TRIM5: variants seen among roughly 807,000 people sequenced by gnomAD.
The protein encoded by TRIM5 is tripartite motif containing 5.
Under a neutral mutation model 35.6 loss-of-function variants are expected in TRIM5, and 31 were observed. That is an observed-to-expected ratio of 0.87 (90% CI 0.65 to 1.18). The LOEUF (loss-of-function observed/expected upper bound fraction) is 1.18, where lower values mean the gene tolerates loss of function less well. Ranked by LOEUF, TRIM5 falls within the 50% of genes most tolerant of loss-of-function variation. The pLI is 0.00. For missense variants in TRIM5, 609 were observed against 591.6 expected, an observed-to-expected ratio of 1.03 and a Z score of -0.31; for synonymous variants, 243 against 215.6, an observed-to-expected ratio of 1.13 and a Z score of -1.11.
At chr11:5,598,123 C>T in the TRIM5 span, among the ~76,000 whole-genome samples, 1 of 152,146 alleles carries the variant, frequency 6.6e-6, no homozygotes, top group Non-Finnish European at 1.5e-5. Context: ...AGGCTCTTCT[C>T]GTCTGCACTC....
chr11:5,615,159 T>C, the TRIM5 span, among the ~76,000 whole-genome samples: 1 of 152,236 alleles, frequency 6.6e-6, no homozygotes, highest in Non-Finnish European at 1.5e-5. Flanking sequence ...GAATCCTTTT[T>C]AATTGTATTG....
the TRIM5 span, chr11:5,645,906 G>T: frequency 0.016 from 2,066 of 128,982 alleles, 42 homozygotes; most frequent in East Asian, 0.076. Flanking sequence ...TCTATATATA[G>T]ATATATATAG....
chr11:5,599,315 A>G, the TRIM5 span, among the ~76,000 whole-genome samples: 2 of 152,328 alleles, frequency 1.3e-5, no homozygotes, highest in Admixed American at 6.5e-5. Flanking sequence ...GAAAGTGTGC[A>G]TGTGTTTGTT....
At chr11:5,666,783 T>C (rs1261179181) in intron 5 of TRIM5, among the ~76,000 whole-genome samples, 4 of 152,276 alleles carry the variant, frequency 2.6e-5, no homozygotes, top group Admixed American at 2.6e-4. Flanking sequence ...ATAGCACCTT[T>C]TTATGCTCTT....
chr11:5,611,143 TTC>T, the TRIM5 span: 1 of 1,614,156 alleles, frequency 6.2e-7, no homozygotes, highest in Non-Finnish European at 8.5e-7. Context: ...CCTTCCCTGC[TTC>T]TCTCCATGAC....
At chr11:5,671,881 A>G (rs897479330) in intron 4 of TRIM5, among the ~76,000 whole-genome samples, 3 of 152,146 alleles carry the variant, frequency 2.0e-5, no homozygotes, top group Admixed American at 2.0e-4. Context: ...TCTATGTTCA[A>G]TGAACCCCAA....
chr11:5,656,489 G>A, the TRIM5 span, among the ~76,000 whole-genome samples: 2 of 151,868 alleles, frequency 1.3e-5, no homozygotes, highest in Non-Finnish European at 2.9e-5. Flanking sequence ...CAAGTAGCTG[G>A]GATTACAGGC....
At chr11:5,616,766 T>A in the TRIM5 span, among the ~76,000 whole-genome samples, 14 of 136,788 alleles carry the variant, frequency 1.0e-4, 1 homozygote, top group African/African-American at 3.8e-4. Flanking sequence ...TGAGATGGAG[T>A]CTCCCTCCTG....
At chr11:5,591,910 A>G in the TRIM5 span, among the ~76,000 whole-genome samples, 1 of 152,188 alleles carries the variant, frequency 6.6e-6, no homozygotes, top group African/African-American at 2.4e-5. Context: ...GGCTGTGGCA[A>G]TTGAAAAACA....
the TRIM5 span, chr11:5,596,890 T>G: frequency 2.5e-6 from 4 of 1,613,984 alleles, no homozygotes; most frequent in Non-Finnish European, 3.4e-6. Context: ...TGGCTTCTCA[T>G]TCCCCAGATG....
At chr11:5,650,988 A>G in the TRIM5 span, among the ~76,000 whole-genome samples, 1 of 152,210 alleles carries the variant, frequency 6.6e-6, no homozygotes. Flanking sequence ...CAACGCCTGT[A>G]TCAACTGCAG....
chr11:5,641,893 A>T, the TRIM5 span, among the ~76,000 whole-genome samples: 1 of 152,090 alleles, frequency 6.6e-6, no homozygotes, highest in Non-Finnish European at 1.5e-5. Context: ...AGGAATCTGA[A>T]ATCTCAAATA....
At chr11:5,625,968 G>T in the TRIM5 span, among the ~76,000 whole-genome samples, 1 of 152,244 alleles carries the variant, frequency 6.6e-6, no homozygotes, top group Non-Finnish European at 1.5e-5. Context: ...ATTTGATATA[G>T]AGTATGTCCT....
the TRIM5 span, among the ~76,000 whole-genome samples, chr11:5,656,671 A>G: frequency 6.6e-6 from 1 of 152,198 alleles, no homozygotes; most frequent in Non-Finnish European, 1.5e-5. Context: ...GACACTTCTT[A>G]AAAGAAGACA....
the TRIM5 span, among the ~76,000 whole-genome samples, chr11:5,656,214 G>T: frequency 1.3e-5 from 2 of 151,882 alleles, no homozygotes; most frequent in East Asian, 3.9e-4. Context: ...AGAGTGAACA[G>T]GCAACCTACA....
the TRIM5 span, among the ~76,000 whole-genome samples, chr11:5,607,926 G>T: frequency 2.0e-5 from 3 of 152,120 alleles, no homozygotes; most frequent in African/African-American, 4.8e-5. Flanking sequence ...AATGGATGAA[G>T]TCAGCAAAGG....
chr11:5,671,714 T>C (rs1457551076), intron 4 of TRIM5, among the ~76,000 whole-genome samples: 3 of 152,042 alleles, frequency 2.0e-5, no homozygotes, highest in African/African-American at 4.8e-5. Flanking sequence ...GTACATGTAA[T>C]AGGTCTTCCA....
At chr11:5,605,504 G>C in the TRIM5 span, 1 of 1,614,150 alleles carries the variant, frequency 6.2e-7, no homozygotes, top group South Asian at 1.1e-5. Context: ...AGACCCAGTC[G>C]CTGCGAGAGC....
the TRIM5 span, among the ~76,000 whole-genome samples, chr11:5,648,088 G>A: frequency 5.9e-5 from 9 of 151,972 alleles, no homozygotes; most frequent in East Asian, 1.9e-4. Flanking sequence ...ATTGAACTCC[G>A]GGCAATTCTA....
Sources: allele counts gnomAD v4.1 joint callset (sites outside exome capture counted in the v4.1 genomes callset), GRCh38; gene constraint gnomAD v4.1.1; transcripts MANE v1.5; gene names NCBI Gene and HGNC (gene_info 2026-07-23, HGNC 2026-07-21).